Variants in TNC observed in about 807,000 individuals in gnomAD.
TNC encodes tenascin.
In TNC, 109 loss-of-function variants were observed where a neutral mutation model predicts 202.4. The ratio of observed to expected loss-of-function variants is 0.54; its 90% CI spans 0.46 to 0.63. TNC has a LOEUF of 0.63. Ranked by LOEUF, TNC falls within the 30% of genes least tolerant of loss-of-function variation. The pLI is 0.00. For missense variants in TNC, 2,756 were observed against 2,833.3 expected (o/e 0.97, Z 0.62); for synonymous variants, 1,007 against 1,089.7 (o/e 0.92, Z 1.50).
rs758224057 is a variant in TNC at position 115,090,946 on chromosome 9, G to A, written c.73C>T (p.Leu25Phe). The part of the protein sequence containing the change: ...FLALATEGGV[L>F]KKVIRHKRQS... ...CGCTTGTGCCGGATGACTTTCTTGAGGACCCCACCTTCGGTAGCGAGGGCA... is the reference window on the plus strand; with the variant it reads ...CGCTTGTGCCGGATGACTTTCTTGAAGACCCCACCTTCGGTAGCGAGGGCA... The change falls in exon 2 of 28, where the codon CTC becomes TTC. Residue 25 changes from leucine (L) to phenylalanine (F), a missense_variant. This residue lies in a region of TNC where 2,559 missense variants were observed against 2,546.0 expected (regional missense o/e 1.01). Transcript: ENST00000350763. 1.2e-6 allele frequency: 2 copies of A among 1,614,140 alleles called. No individual in the cohort carries two copies. Among genetic ancestry groups the A allele is most frequent in the Non-Finnish European group, 1.7e-6 (2 of 1,180,030 alleles).
At position 115,063,830 on chromosome 9, in the gene TNC, G is replaced by A. The variant is rs773585594; in HGVS notation, c.3726C>T (p.Phe1242=). The change falls in exon 12 of 28, where the codon TTC becomes TTT. Residue 1242 remains phenylalanine, a synonymous_variant. Transcript: ENST00000350763. ...TITIRGVTQD[F]STTPLSVEVL... is the part of the protein sequence containing the mutation. ...CTTCAACAGAGAGAGGGGTTGTGCT[G>A]AAGTCCTGAGTGACCCCGCGGATGG... 3 of 1,614,034 alleles carry A rather than the reference G, an allele frequency of 1.9e-6. No individual in the cohort carries two copies. The highest frequency in any genetic ancestry group is 2.2e-5 in the South Asian group (2 of 91,072).
intron 20 of TNC, among the ~76,000 whole-genome samples, chr9:115,037,453 A>G (rs1365641762): frequency 6.6e-6 from 1 of 152,258 alleles, no homozygotes; most frequent in Non-Finnish European, 1.5e-5. Context: ...ACAAGTGTTT[A>G]ATCTGTCAAC....
Position 115,086,979 on chromosome 9 carries a change from AT to A in TNC, c.751del (p.Ile251SerfsTer14). 6.2e-7 allele frequency: 1 copy of A among 1,614,178 alleles called. No homozygotes were observed. The highest frequency in any genetic ancestry group is 8.5e-7 in the Non-Finnish European group (1 of 1,180,048). On this transcript the variant is annotated frameshift_variant, in exon 3 of 28. Transcript: ENST00000350763. LOFTEE classifies it high-confidence loss of function. ...GYAGADCSRE[I>X]CPVPCSEEHG... ...CTCCTCACTGCAGGGCACTGGGCAG[AT>A]TTCACGGCTGCAGTCAGCCCCGGCG... is the stretch of plus-strand genomic sequence containing the variant.
chr9:115,082,905 A>G (rs1834415002), intron 4 of TNC, 98 bp from the exon 5 acceptor site: 4 of 791,644 alleles, frequency 5.1e-6, no homozygotes, highest in Non-Finnish European at 8.7e-6. Flanking sequence ...TGTCTGCAAC[A>G]GTCAGGGGCT....
rs1013588194 is a variant in TNC, at chr9:115,052,107, T to TAA, written c.4580-3577_4580-3576dup. On this transcript the variant is annotated intron_variant, in intron 15 of 27. Transcript: ENST00000350763. Reference sequence around the variant, plus strand: ...ATATATATATATACACATATATATATAATGGAATACTTTATAGCCTTAAAA... The same window carrying TAA: ...ATATATATATATACACATATATATATAAAATGGAATACTTTATAGCCTTAAAA... 5.7e-4 allele frequency among the ~76,000 whole-genome samples: 86 copies of TAA among 150,396 alleles called. No homozygotes were observed. In the Middle Eastern group the frequency reaches 0.028, roughly 50 times the overall value.
Position 115,088,751 on chromosome 9 carries a change from T to C in TNC, c.458-1478A>G, listed in dbSNP as rs76786966. Among the ~76,000 whole-genome samples the C allele has an allele frequency of 6.6e-3, 1,010 of 151,998 alleles. 12 individuals are homozygous for C. The highest frequency in any genetic ancestry group is 0.024 in the African/African-American group (981 of 41,454). ...GAGTCTAAGTATGTACTATCTAGTATGGTGGCCCTTGGCCACATGTGGTTA... is the reference window on the plus strand; with the variant it reads ...GAGTCTAAGTATGTACTATCTAGTACGGTGGCCCTTGGCCACATGTGGTTA... On this transcript the variant is annotated intron_variant, in intron 2 of 27. Coordinates refer to ENST00000350763, the MANE Select transcript of TNC (RefSeq NM_002160.4).
chr9:115,054,062 G>C, intron 15 of TNC, among the ~76,000 whole-genome samples: 1 of 152,162 alleles, frequency 6.6e-6, no homozygotes, highest in East Asian at 1.9e-4. Context: ...TTTAAAGTAA[G>C]TGCGGCCCAG....
chr9:115,054,364 C>G (rs1831934337), intron 15 of TNC, among the ~76,000 whole-genome samples: 1 of 152,218 alleles, frequency 6.6e-6, no homozygotes, highest in Non-Finnish European at 1.5e-5. Context: ...CAGAAGGTAA[C>G]AATGCAATCA....
At position 115,063,151 on chromosome 9, in the gene TNC, C is replaced by T. The variant is rs1327224085; in HGVS notation, c.3799G>A (p.Val1267Ile). Residue 1267 changes from valine (V) to isoleucine (I), a missense_variant, in exon 13 of 28, where the codon GTT becomes ATT. Val to Ile is a conservative substitution (Grantham distance 29, BLOSUM62 3). Coordinates refer to ENST00000350763, the MANE Select transcript of TNC (RefSeq NM_002160.4). ...TTCAGTCTGAGAGCATCCCAGCTAA[C>T]CTCGGTCACTGTGAGGTTTCCCATA... ...PDMGNLTVTE[V>I]SWDALRLNWT... 1.2e-6 allele frequency: 2 copies of T among 1,614,072 alleles called. No individual in the cohort carries two copies. The highest frequency in any genetic ancestry group is 1.7e-5 in the Admixed American group (1 of 60,010).
Position 115,090,650 on chromosome 9 carries a change from C to T in TNC, c.369G>A (p.Leu123=), listed in dbSNP as rs765529889. ...CAAAPDVKEL[L]SRLEELENLV... ...GGTTCTCCAGCTCCTCCAGTCTGCTCAGCAGCTCCTTAACATCAGGGGCTG... is the reference window on the plus strand; with the variant it reads ...GGTTCTCCAGCTCCTCCAGTCTGCTTAGCAGCTCCTTAACATCAGGGGCTG... The change falls in exon 2 of 28, where the codon CTG becomes CTA. Residue 123 remains leucine (L), a synonymous_variant. Coordinates refer to ENST00000350763, the MANE Select transcript of TNC (RefSeq NM_002160.4). The T allele has an allele frequency of 2.5e-6, 4 of 1,613,830 alleles. No individual in the cohort carries two copies. The highest frequency in any genetic ancestry group is 1.1e-5 in the South Asian group (1 of 91,046).
rs1813560882 is a variant in TNC at position 115,085,897 on chromosome 9, T to G, written c.1834A>C (p.Asn612His). 1.2e-6 allele frequency: 2 copies of G among 1,612,442 alleles called. No homozygotes were observed. Among genetic ancestry groups the G allele is most frequent in the South Asian group, 2.2e-5 (2 of 90,976 alleles). ...GQCVSGRCIC[N>H]EGYSGEDCSE... The stretch of plus-strand genomic sequence containing the variant: ...CAGTCTTCTCCGCTGTAGCCCTCGT[T>G]GCAGATGCAGCGGCCCGAGACGCAT... Residue 612 changes from asparagine (N) to histidine (H), a missense_variant, in exon 3 of 28, where the codon AAC becomes CAC. Physicochemically the swap from Asn to His is moderately conservative, Grantham distance 68. This residue lies in a region of TNC where 2,559 missense variants were observed against 2,546.0 expected (regional missense o/e 1.01). Transcript: ENST00000350763.
chr9:115,075,259 A>G (rs922436831), intron 9 of TNC, among the ~76,000 whole-genome samples: 2 of 152,164 alleles, frequency 1.3e-5, no homozygotes, highest in African/African-American at 4.8e-5. Flanking sequence ...GCCCCTCAGC[A>G]TCCTCACCTA....
chr9:115,081,918 T>A lies in TNC; in HGVS notation c.2258A>T (p.Asp753Val). The A allele has an allele frequency of 6.3e-7, 1 of 1,584,226 alleles. No homozygotes were observed. The highest frequency in any genetic ancestry group is 1.2e-5 in the South Asian group (1 of 85,498). ...EIIFRNMNKEDEGEITKSLRR... is the reference protein window; with the variant it reads ...EIIFRNMNKEVEGEITKSLRR... The stretch of plus-strand genomic sequence containing the variant: ...CAGGCTTTTGGTGATCTCTCCCTCA[T>A]CTTCTTTATTCTGAGAGATAGAGGC... Residue 753 changes from aspartate (D) to valine (V), a missense_variant, in exon 6 of 28, where the codon GAT becomes GTT. Coordinates refer to ENST00000350763, the MANE Select transcript of TNC (RefSeq NM_002160.4).
At chr9:115,115,871 C>T (rs890681677) in intron 1 of TNC, among the ~76,000 whole-genome samples, 1 of 152,280 alleles carries the variant, frequency 6.6e-6, no homozygotes, top group South Asian at 2.1e-4. Context: ...CCTGCATTTA[C>T]CTGTCATATA....
chr9:115,111,381 G>C (rs1837035498), intron 1 of TNC, among the ~76,000 whole-genome samples: 1 of 136,504 alleles, frequency 7.3e-6, no homozygotes, highest in Non-Finnish European at 1.5e-5. Flanking sequence ...CTTGCTTATA[G>C]ACTTTCTCTC....
At chr9:115,093,335 A>G (rs903021602) in intron 1 of TNC, among the ~76,000 whole-genome samples, 1 of 152,186 alleles carries the variant, frequency 6.6e-6, no homozygotes, top group Non-Finnish European at 1.5e-5. Flanking sequence ...ACAACAACAA[A>G]AACAAAGAAA....
intron 10 of TNC, among the ~76,000 whole-genome samples, chr9:115,069,920 T>C (rs575341613): frequency 2.0e-5 from 3 of 151,072 alleles, no homozygotes; most frequent in Non-Finnish European, 2.9e-5. Flanking sequence ...ATTTCCCTTA[T>C]GCCTTAAGGA....
intron 26 of TNC, among the ~76,000 whole-genome samples, 159 bp from the exon 27 acceptor site, chr9:115,024,295 G>A (rs1829309118): frequency 6.6e-6 from 1 of 152,232 alleles, no homozygotes. Context: ...AACTGAATGG[G>A]ACATGAGTGT....
intron 13 of TNC, among the ~76,000 whole-genome samples, chr9:115,062,009 T>C (rs1832580618): frequency 6.6e-6 from 1 of 152,234 alleles, no homozygotes; most frequent in Admixed American, 6.5e-5. Flanking sequence ...AAGGTTATTA[T>C]GTAGAGATCT....
Sources: gnomAD v4.1 joint callset for allele counts (sites outside exome capture counted in the v4.1 genomes callset) on GRCh38, gnomAD v4.1.1 for gene constraint, gnomAD v4.1.1 regional missense constraint, MANE v1.5 for transcripts, NCBI Gene and HGNC (gene_info 2026-07-23, HGNC 2026-07-21) for gene names.